Variants in SBF2 observed in about 807,000 individuals in gnomAD.
The protein encoded by SBF2 is SET binding factor 2.
SBF2 carries 112 observed loss-of-function variants against 225.2 expected under a neutral mutation model. That is an observed-to-expected ratio of 0.50 (90% CI 0.43 to 0.58). SBF2 has a LOEUF of 0.58. Ranked by LOEUF, SBF2 falls within the 20% of genes least tolerant of loss-of-function variation. The probability of loss-of-function intolerance (pLI) is 0.00; values close to 1 mark genes in which losing one functional copy is unlikely to be tolerated. For missense variants in SBF2, 1,996 were observed against 2,206.2 expected (o/e 0.90, Z 1.91); for synonymous variants, 763 against 773.3 (o/e 0.99, Z 0.22).
At chr11:10,190,923 T>C (rs889401454) in intron 2 of SBF2, among the ~76,000 whole-genome samples, 72 of 152,320 alleles carry the variant, frequency 4.7e-4, no homozygotes, top group African/African-American at 1.6e-3. Flanking sequence ...AGATCTTGGC[T>C]GACACTAAGA....
chr11:10,260,896 G>A (rs1961363731), intron 1 of SBF2, among the ~76,000 whole-genome samples: 1 of 150,764 alleles, frequency 6.6e-6, no homozygotes, highest in Non-Finnish European at 1.5e-5. Context: ...AAAGAAAGAA[G>A]GGGAGGGAGG....
At chr11:9,955,273 T>C (rs1282653935) in intron 16 of SBF2, among the ~76,000 whole-genome samples, 1 of 152,002 alleles carries the variant, frequency 6.6e-6, no homozygotes, top group Non-Finnish European at 1.5e-5. Context: ...CGTAACAGGT[T>C]TTAGTGTAAA....
At chr11:10,197,131 C>G (rs1392886854) in intron 1 of SBF2, among the ~76,000 whole-genome samples, 1 of 152,052 alleles carries the variant, frequency 6.6e-6, no homozygotes, top group Non-Finnish European at 1.5e-5. Flanking sequence ...CTGAGGCATT[C>G]TGACAACATT....
At chr11:9,789,030 A>T in intron 35 of SBF2, 79 bp downstream of exon 35, 1 of 1,198,366 alleles carries the variant, frequency 8.3e-7, no homozygotes, top group Non-Finnish European at 1.2e-6. Flanking sequence ...CATGTTCAGA[A>T]GTTACTTAGC....
At chr11:10,232,435 G>A (rs377352229) in intron 1 of SBF2, among the ~76,000 whole-genome samples, 16 of 152,224 alleles carry the variant, frequency 1.1e-4, no homozygotes, top group South Asian at 6.2e-4. Context: ...GTTCCTATTC[G>A]GCCATCTTGG....
At chr11:10,191,946 T>G (rs1005305400) in intron 2 of SBF2, among the ~76,000 whole-genome samples, 2 of 152,200 alleles carry the variant, frequency 1.3e-5, no homozygotes, top group Non-Finnish European at 2.9e-5. Context: ...TGATGTCTGT[T>G]GGTTCCTGAA....
chr11:10,106,369 G>A (rs1254224732), intron 2 of SBF2, among the ~76,000 whole-genome samples: 3 of 152,226 alleles, frequency 2.0e-5, no homozygotes. Context: ...GCTCATGCCT[G>A]TAATCCCAGG....
At chr11:10,293,668 C>T (rs770701365) in intron 1 of SBF2, among the ~76,000 whole-genome samples, 3 of 152,194 alleles carry the variant, frequency 2.0e-5, no homozygotes, top group Non-Finnish European at 4.4e-5. Context: ...TCCCGCCCTC[C>T]CAGCCTTGCG....
intron 2 of SBF2, among the ~76,000 whole-genome samples, chr11:10,140,532 TG>T (rs921710529): frequency 2.8e-4 from 43 of 152,204 alleles, no homozygotes; most frequent in African/African-American, 1.0e-3. Flanking sequence ...CCCCCTTAAG[TG>T]TCCTATGTGT....
intron 16 of SBF2, among the ~76,000 whole-genome samples, chr11:9,923,152 A>C (rs1863763251): frequency 6.6e-6 from 1 of 152,056 alleles, no homozygotes; most frequent in African/African-American, 2.4e-5. Flanking sequence ...CCTGCTCCAA[A>C]AGTGAAGCGG....
Position 9,850,104 on chromosome 11 carries a change from G to A in SBF2, c.2725C>T (p.Pro909Ser), listed in dbSNP as rs151086599. ...EEATGGLLGG[P>S]QLLPAEGALF... The stretch of plus-strand genomic sequence containing the variant: ...GCTCCTTCTGCTGGCAGGAGCTGAG[G>A]GCCTCCAAGAAGACCTCCAGTAGCT... Residue 909 changes from proline to serine, a missense_variant, in exon 22 of 40, where the codon CCT becomes TCT. Coordinates refer to ENST00000256190, the MANE Select transcript of SBF2 (RefSeq NM_030962.4). 7 of 1,614,058 alleles carry A rather than the reference G, an allele frequency of 4.3e-6. No individual in the cohort carries two copies. The African/African-American group carries it at 8.0e-5, about 18-fold the overall frequency.
chr11:9,982,553 G>T (rs1187736018), intron 13 of SBF2, among the ~76,000 whole-genome samples: 2 of 152,142 alleles, frequency 1.3e-5, no homozygotes, highest in East Asian at 3.9e-4. Flanking sequence ...TAAAATTAAT[G>T]ACTGTCTAAA....
At chr11:10,213,400 G>A (rs1035960938) in intron 1 of SBF2, among the ~76,000 whole-genome samples, 2 of 152,142 alleles carry the variant, frequency 1.3e-5, no homozygotes, top group Non-Finnish European at 2.9e-5. Flanking sequence ...ACTCCTAGCT[G>A]CTTCAGCAAG....
At chr11:9,881,725 C>T (rs1363362966) in intron 17 of SBF2, among the ~76,000 whole-genome samples, 1 of 151,862 alleles carries the variant, frequency 6.6e-6, no homozygotes. Context: ...AGAGTCTCTA[C>T]AACACTCCCC....
intron 1 of SBF2, among the ~76,000 whole-genome samples, chr11:10,203,928 T>C (rs886096309): frequency 6.6e-6 from 1 of 151,866 alleles, no homozygotes; most frequent in African/African-American, 2.4e-5. Context: ...AGTCCCAGCA[T>C]GGAATGGAGG....
chr11:10,060,093 T>C (rs548452693), intron 2 of SBF2, among the ~76,000 whole-genome samples: 139 of 152,090 alleles, frequency 9.1e-4, no homozygotes, highest in African/African-American at 3.2e-3. Flanking sequence ...AATCCAGGAA[T>C]TGGCTTTTTG....
At chr11:9,811,411 T>G (rs1369026895) in intron 30 of SBF2, 1 of 152,256 alleles carries the variant, frequency 6.6e-6, no homozygotes, top group East Asian at 1.9e-4. Flanking sequence ...GGCAATTATT[T>G]TCCACTGTCT....
At chr11:9,951,594 A>C (rs761359251) in intron 16 of SBF2, among the ~76,000 whole-genome samples, 51 of 152,188 alleles carry the variant, frequency 3.4e-4, no homozygotes, top group Non-Finnish European at 5.9e-4. Flanking sequence ...TCATTGCTTT[A>C]ATTTACTAGT....
intron 16 of SBF2, among the ~76,000 whole-genome samples, chr11:9,945,058 T>C (rs117828113): frequency 0.076 from 11,546 of 152,154 alleles, 590 homozygotes; most frequent in East Asian, 0.28. Flanking sequence ...TGGGCCATGA[T>C]TGCACCACTG....
Sources: gnomAD v4.1 joint callset for allele counts (sites outside exome capture counted in the v4.1 genomes callset) on GRCh38, gnomAD v4.1.1 for gene constraint, MANE v1.5 for transcripts, NCBI Gene and HGNC (gene_info 2026-07-23, HGNC 2026-07-21) for gene names.